The following PCNX2 variants were observed in gnomAD, a reference collection of about 807,000 sequenced individuals.
PCNX2 encodes pecanex-like protein 2.
In PCNX2, 168 loss-of-function variants were observed where a neutral mutation model predicts 223.8. The observed-to-expected ratio is 0.75, with a 90% CI of 0.66 to 0.85. The LOEUF is 0.85. Ranked by LOEUF, PCNX2 falls within the 40% of genes least tolerant of loss-of-function variation. PCNX2 has a pLI of 0.00. For synonymous variants in PCNX2, 1,006 were observed against 1,052.6 expected, an observed-to-expected ratio of 0.96 and a Z score of 0.86; for missense variants, 2,507 against 2,675.5, an observed-to-expected ratio of 0.94 and a Z score of 1.39.
rs952497340 is a variant in PCNX2 at position 233,252,510 on chromosome 1, A to G, written c.1983-11T>C. The G allele has an allele frequency of 1.3e-6, 2 of 1,591,080 alleles. No homozygotes were observed. Among genetic ancestry groups the G allele is most frequent in the Non-Finnish European group, 1.7e-6 (2 of 1,167,048 alleles). Reference sequence around the variant, plus strand: ...CTATTGCCCTGAAAACTTAACACATATAAAAGTTTCAAAAAAAATGATTAG... The same window carrying G: ...CTATTGCCCTGAAAACTTAACACATGTAAAAGTTTCAAAAAAAATGATTAG... On this transcript the variant is annotated splice_polypyrimidine_tract_variant and intron_variant, in intron 6 of 33. Transcript: ENST00000258229.
chr1:233,197,062 A>C (rs889651696), intron 15 of PCNX2, among the ~76,000 whole-genome samples: 5 of 152,158 alleles, frequency 3.3e-5, no homozygotes, highest in Non-Finnish European at 5.9e-5. Flanking sequence ...TTTGATTCCA[A>C]AGAAGCTTCA....
intron 9 of PCNX2, among the ~76,000 whole-genome samples, chr1:233,235,712 G>T (rs977991479): frequency 6.6e-6 from 1 of 151,686 alleles, no homozygotes; most frequent in Non-Finnish European, 1.5e-5. Flanking sequence ...AGCAATTCTC[G>T]TGCCTCAGCC....
chr1:233,000,559 G>T lies in PCNX2; in HGVS notation c.5098-24C>A. 1 of 1,551,996 alleles carries T rather than the reference G, an allele frequency of 6.4e-7. No individual in the cohort carries two copies. ...TCCTGGTGGGAAGAAGTGTGGGTGT[G>T]GGCTGGGCAAGGACCAGAGGAACTC... On this transcript the variant is annotated intron_variant, in intron 29 of 33. Transcript: ENST00000258229. The surrounding 1 kb of genome is among the most constrained non-coding windows in gnomAD (Gnocchi z 4.6).
chr1:233,138,545 C>G (rs530336599), intron 20 of PCNX2, among the ~76,000 whole-genome samples: 1 of 152,272 alleles, frequency 6.6e-6, no homozygotes, highest in South Asian at 2.1e-4. Context: ...CAGGACTGTA[C>G]CATACTGGGA....
At chr1:233,294,469 A>C (rs932052952) in intron 1 of PCNX2, among the ~76,000 whole-genome samples, 7 of 152,216 alleles carry the variant, frequency 4.6e-5, no homozygotes, top group Non-Finnish European at 1.0e-4. Context: ...CAAACTCGGA[A>C]TCCATCAGTC....
At position 233,180,767 on chromosome 1, in the gene PCNX2, G is replaced by T. The variant is rs578066788; in HGVS notation, c.3067-1592C>A. On this transcript the variant is annotated intron_variant, in intron 15 of 33. Transcript: ENST00000258229. Reference sequence around the variant, plus strand: ...CAGTACCTGTAAAGCAAATTGCAGGGAGCTGAGTCTTCCTGAGGCTGCTGA... The same window carrying T: ...CAGTACCTGTAAAGCAAATTGCAGGTAGCTGAGTCTTCCTGAGGCTGCTGA... 5.3e-5 allele frequency: 8 copies of T among 152,210 alleles called. No homozygotes were observed. In the South Asian group the frequency reaches 1.5e-3, roughly 28 times the overall value. The allele number at this position is 152,210 out of a possible 1,614,324, so 9.4% of individuals were successfully genotyped here.
At chr1:233,007,016 G>A (rs544412723) in intron 28 of PCNX2, among the ~76,000 whole-genome samples, 50 of 151,904 alleles carry the variant, frequency 3.3e-4, no homozygotes, top group African/African-American at 1.2e-3. Flanking sequence ...CACTGGTTTC[G>A]CAGTCAATCC....
the PCNX2 span, among the ~76,000 whole-genome samples, chr1:233,306,171 G>A: frequency 2.6e-5 from 4 of 152,100 alleles, no homozygotes; most frequent in Non-Finnish European, 5.9e-5. Flanking sequence ...AAAGAAAAGC[G>A]TTTTATAATG....
intron 15 of PCNX2, among the ~76,000 whole-genome samples, chr1:233,196,084 A>T (rs1680710706): frequency 6.6e-6 from 1 of 152,208 alleles, no homozygotes; most frequent in African/African-American, 2.4e-5. Flanking sequence ...ATGCAGAACA[A>T]TGAAATGATT....
intron 32 of PCNX2, among the ~76,000 whole-genome samples, chr1:232,987,094 T>C (rs976516828): frequency 1.7e-4 from 26 of 152,210 alleles, no homozygotes; most frequent in African/African-American, 6.0e-4. Context: ...TTTTCCAGAA[T>C]AGCTTTCCCT....
At chr1:233,201,279 G>T (rs540378514) in intron 13 of PCNX2, among the ~76,000 whole-genome samples, 1 of 152,150 alleles carries the variant, frequency 6.6e-6, no homozygotes, top group South Asian at 2.1e-4. Flanking sequence ...TGGTGATTTT[G>T]TTGTGATAAT....
intron 13 of PCNX2, among the ~76,000 whole-genome samples, chr1:233,200,663 G>C (rs1681031043): frequency 6.6e-6 from 1 of 151,830 alleles, no homozygotes; most frequent in Non-Finnish European, 1.5e-5. Context: ...TGAAAGAGTA[G>C]ACTTGGACAT....
chr1:233,258,979 T>C lies in PCNX2; in HGVS notation c.883A>G (p.Ile295Val). Residue 295 changes from isoleucine (I) to valine (V), a missense_variant, in exon 5 of 34, where the codon ATA (isoleucine) becomes GTA (valine). Around this residue, in one of 3 missense-constraint regions of PCNX2, gnomAD observed 1,031 missense variants for 1,021.7 expected, o/e 1.01. Transcript: ENST00000258229. ...PEPVSCPRGSIRERVQSKSPQ... is the reference protein window; with the variant it reads ...PEPVSCPRGSVRERVQSKSPQ... Reference sequence around the variant, plus strand: ...GACTTGCTTTGTACCCGTTCCCTTATGGAGCCCCGGGGACAACTGACAGGT... The same window carrying C: ...GACTTGCTTTGTACCCGTTCCCTTACGGAGCCCCGGGGACAACTGACAGGT... The C allele has an allele frequency of 1.2e-6, 2 of 1,613,928 alleles. No individual in the cohort carries two copies. Among genetic ancestry groups the C allele is most frequent in the Non-Finnish European group, 1.7e-6 (2 of 1,179,864 alleles).
chr1:233,288,924 C>G (rs1291091720), intron 1 of PCNX2: 4 of 1,479,832 alleles, frequency 2.7e-6, no homozygotes, highest in Non-Finnish European at 3.8e-6. Context: ...CTTATAGACA[C>G]CAGAAAAAGT....
Position 233,158,140 on chromosome 1 carries a change from C to T in PCNX2, c.3517+2143G>A, listed in dbSNP as rs192666753. Reference sequence around the variant, plus strand: ...ATGATTTTAATTTAAATGGGGCTGTCTTAGATGCAGGAGAGAAAAACAAAA... The same window carrying T: ...ATGATTTTAATTTAAATGGGGCTGTTTTAGATGCAGGAGAGAAAAACAAAA... On this transcript the variant is annotated intron_variant, in intron 19 of 33. Transcript: ENST00000258229. Among the ~76,000 whole-genome samples the T allele has an allele frequency of 1.3e-5, 2 of 152,092 alleles. 1 individual carries two copies. Among genetic ancestry groups the T allele is most frequent in the Non-Finnish European group, 2.9e-5 (2 of 68,004 alleles).
At chr1:233,320,125 T>A in the PCNX2 span, among the ~76,000 whole-genome samples, 1 of 152,230 alleles carries the variant, frequency 6.6e-6, no homozygotes, top group Non-Finnish European at 1.5e-5. Context: ...AGCATTTTTT[T>A]AACTTTTTGT....
chr1:233,063,251 C>T (rs535525530), intron 23 of PCNX2, among the ~76,000 whole-genome samples: 4 of 151,024 alleles, frequency 2.6e-5, no homozygotes, highest in East Asian at 2.0e-4. Flanking sequence ...ACAACAACAA[C>T]GAAGAAGAAT....
At chr1:233,086,182 G>C (rs1673590641) in intron 23 of PCNX2, among the ~76,000 whole-genome samples, 1 of 152,166 alleles carries the variant, frequency 6.6e-6, no homozygotes, top group Non-Finnish European at 1.5e-5. Flanking sequence ...TCTATATGAA[G>C]AGTAAGATCC....
At chr1:233,033,240 T>C (rs1320158661) in intron 25 of PCNX2, 56 of 959,988 alleles carry the variant, frequency 5.8e-5, no homozygotes, top group Non-Finnish European at 6.4e-5. Flanking sequence ...GACTTATTTA[T>C]TCCCACCTAA....
Sources: gnomAD v4.1 joint callset for allele counts (sites outside exome capture counted in the v4.1 genomes callset) on GRCh38, gnomAD v4.1.1 for gene constraint, gnomAD v4.1.1 regional missense constraint, Gnocchi (gnomAD v3.1) non-coding constraint, MANE v1.5 for transcripts, NCBI Gene and HGNC (gene_info 2026-07-23, HGNC 2026-07-21) for gene names.